Variants in DOCK3 observed in about 807,000 individuals in gnomAD.
DOCK3 encodes dedicator of cytokinesis 3, also known as dedicator of cytokinesis protein 3.
DOCK3 carries 60 observed loss-of-function variants against 265.6 expected under a neutral mutation model. That is an observed-to-expected ratio of 0.23 (90% CI 0.18 to 0.28). The LOEUF is 0.28. Among genes scored for constraint, DOCK3 ranks in the 10% least tolerant of loss-of-function variants. The pLI, the probability that DOCK3 is intolerant of heterozygous loss-of-function variation, is 1.00. For missense variants in DOCK3, 1,981 were observed against 2,594.3 expected, an observed-to-expected ratio of 0.76 and a Z score of 5.14; for synonymous variants, 881 against 938.0, an observed-to-expected ratio of 0.94 and a Z score of 1.11.
At position 51,075,247 on chromosome 3, in the gene DOCK3, G is replaced by A. The variant is rs1054824363; in HGVS notation, c.465-109G>A. On this transcript the variant is annotated intron_variant, in intron 6 of 52. Coordinates refer to ENST00000266037, the MANE Select transcript of DOCK3 (RefSeq NM_004947.5). ...AAAGACATGTTCCTGCTAGGACAGT[G>A]TCTGATCCTCTGTCCACAAGATGTG... is the stretch of plus-strand genomic sequence containing the variant. 8 of 824,108 alleles carry A rather than the reference G, an allele frequency of 9.7e-6. No individual in the cohort carries two copies. In the Admixed American group the frequency reaches 1.0e-4, roughly 10 times the overall value. The allele number at this position is 824,108 out of a possible 1,614,324, so 51.0% of individuals were successfully genotyped here. A position where few individuals can be genotyped will look rare whatever the true frequency, so the allele number is the denominator to read the frequency against.
intron 5 of DOCK3, among the ~76,000 whole-genome samples, chr3:51,038,916 T>G (rs1007339249): frequency 3.3e-5 from 5 of 152,062 alleles, no homozygotes; most frequent in African/African-American, 1.2e-4. Flanking sequence ...ATTTTATATA[T>G]GTGTTTTAAT....
At chr3:51,364,772 T>C (rs1023752647) in intron 49 of DOCK3, among the ~76,000 whole-genome samples, 14 of 152,238 alleles carry the variant, frequency 9.2e-5, no homozygotes, top group African/African-American at 3.1e-4. Context: ...TTGTCAGGTT[T>C]GTCAAAGATC....
intron 5 of DOCK3, among the ~76,000 whole-genome samples, chr3:50,987,223 A>G (rs2077934778): frequency 6.6e-6 from 1 of 152,178 alleles, no homozygotes; most frequent in African/African-American, 2.4e-5. Context: ...ATCTGTAATA[A>G]GAGTTTCTTT....
At chr3:50,906,345 C>G (rs1448573492) in intron 4 of DOCK3, among the ~76,000 whole-genome samples, 2 of 152,064 alleles carry the variant, frequency 1.3e-5, no homozygotes, top group African/African-American at 2.4e-5. Flanking sequence ...ATGCTACCAG[C>G]TCCTCCTTGT....
chr3:51,029,316 G>A (rs745449630), intron 5 of DOCK3, among the ~76,000 whole-genome samples: 1 of 152,166 alleles, frequency 6.6e-6, no homozygotes, highest in Non-Finnish European at 1.5e-5. Context: ...CAGCAGGTAG[G>A]CTTTTACTTA....
At chr3:50,960,939 T>C (rs539646156) in intron 5 of DOCK3, among the ~76,000 whole-genome samples, 65 of 152,264 alleles carry the variant, frequency 4.3e-4, no homozygotes, top group African/African-American at 1.5e-3. Flanking sequence ...GACTATTCTT[T>C]CCCCGCATTG....
intron 3 of DOCK3, among the ~76,000 whole-genome samples, chr3:50,854,601 T>TTTTTTTTTTTTTTG: frequency 7.5e-6 from 1 of 134,210 alleles, no homozygotes; most frequent in African/African-American, 2.8e-5. Context: ...AGTTTTTTTT[T>TTTTTTTTTTTTTTG]TTTTTTTTTG....
intron 38 of DOCK3, among the ~76,000 whole-genome samples, chr3:51,342,175 A>G (rs1158355739): frequency 6.6e-6 from 1 of 152,256 alleles, no homozygotes; most frequent in Admixed American, 6.5e-5. Flanking sequence ...CATCAAAAAG[A>G]AAGATTTAAA....
chr3:51,075,876 CAA>C (rs1233083798), intron 7 of DOCK3, among the ~76,000 whole-genome samples: 2 of 152,054 alleles, frequency 1.3e-5, no homozygotes, highest in African/African-American at 4.8e-5. Context: ...TTGGTTATTA[CAA>C]AAATATGTTG....
chr3:51,002,104 C>G (rs1039352214), intron 5 of DOCK3, among the ~76,000 whole-genome samples: 2 of 151,954 alleles, frequency 1.3e-5, no homozygotes, highest in African/African-American at 4.8e-5. Flanking sequence ...TATGACCATG[C>G]CCTGCTAATT....
In DOCK3 at chr3:51,381,098, C is replaced by G; in HGVS notation, c.5632C>G (p.Leu1878Val). Residue 1878 changes from leucine to valine, a missense_variant, in exon 53 of 53, where the codon CTG becomes GTG. Around this residue, in one of 4 missense-constraint regions of DOCK3, gnomAD observed 1,357 missense variants for 1,866.8 expected, o/e 0.73. Transcript: ENST00000266037. This position sits in a 1 kb window ranked among gnomAD's most constrained non-coding sequence, Gnocchi z 5.6. ...CTCCCCCACAAGCCCCCAGTCAGGT[C>G]TGGACGGCAGCAACTCTACGCTGTC... Reference protein sequence around the residue: ...PASPTSPQSGLDGSNSTLSGS... With the variant: ...PASPTSPQSGVDGSNSTLSGS... 6.2e-7 allele frequency: 1 copy of G among 1,613,168 alleles called. No homozygotes were observed. The highest frequency in any genetic ancestry group is 8.5e-7 in the Non-Finnish European group (1 of 1,179,432).
intron 2 of DOCK3, among the ~76,000 whole-genome samples, chr3:50,831,109 A>G (rs1160807601): frequency 6.6e-6 from 1 of 152,098 alleles, no homozygotes; most frequent in Non-Finnish European, 1.5e-5. Flanking sequence ...ATAATGAGCA[A>G]TGAGGACAAC....
chr3:51,100,548 C>T (rs918667026), intron 9 of DOCK3, among the ~76,000 whole-genome samples: 13 of 152,208 alleles, frequency 8.5e-5, no homozygotes, highest in Middle Eastern at 3.4e-3. Flanking sequence ...CCAAGGCAGA[C>T]GCAAAGCAGC....
chr3:50,778,614 A>G (rs752210591), intron 1 of DOCK3, 61 bp from the exon 2 acceptor site: 7 of 1,281,130 alleles, frequency 5.5e-6, no homozygotes, highest in Non-Finnish European at 7.7e-6. Context: ...TAATTCAGTG[A>G]CTCTGACCAT....
intron 13 of DOCK3, among the ~76,000 whole-genome samples, chr3:51,210,816 G>C (rs900288592): frequency 1.3e-5 from 2 of 152,172 alleles, no homozygotes; most frequent in Admixed American, 6.5e-5. Context: ...GAAGTCATTA[G>C]TGCTTTTCCT....
chr3:50,759,855 TAA>T (rs55757525), intron 1 of DOCK3, among the ~76,000 whole-genome samples: 135,085 of 144,852 alleles, frequency 0.93, 63,573 homozygotes, highest in South Asian at 0.99. Context: ...GAGATATTAT[TAA>T]AAAAAAAAAA....
intron 46 of DOCK3, 45 bp downstream of exon 46, chr3:51,358,122 T>C (rs1442236187): frequency 6.3e-7 from 1 of 1,589,984 alleles, no homozygotes; most frequent in South Asian, 1.1e-5. Context: ...GAACCAGGTG[T>C]CACTTCCTCC....
intron 2 of DOCK3, among the ~76,000 whole-genome samples, chr3:50,785,252 A>G (rs1576427491): frequency 6.6e-6 from 1 of 152,194 alleles, no homozygotes; most frequent in Non-Finnish European, 1.5e-5. Context: ...GTATATGATC[A>G]TGTCATTGGT....
intron 5 of DOCK3, among the ~76,000 whole-genome samples, chr3:50,944,363 C>T (rs993733942): frequency 2.0e-5 from 3 of 152,162 alleles, no homozygotes; most frequent in Non-Finnish European, 4.4e-5. Flanking sequence ...AGATTGAACT[C>T]CTTGTTCTCC....
Sources: allele counts gnomAD v4.1 joint callset (sites outside exome capture counted in the v4.1 genomes callset), GRCh38; gene constraint gnomAD v4.1.1; regional missense constraint gnomAD v4.1.1; non-coding constraint Gnocchi (gnomAD v3.1); transcripts MANE v1.5; gene names NCBI Gene and HGNC (gene_info 2026-07-23, HGNC 2026-07-21).